UBE2L3: variants seen among roughly 807,000 people sequenced by gnomAD.
UBE2L3 encodes ubiquitin-conjugating enzyme E2 L3.
UBE2L3 carries 1 observed loss-of-function variant against 17.8 expected under a neutral mutation model. The ratio of observed to expected loss-of-function variants is 0.06; its 90% CI spans 0.02 to 0.27. The LOEUF (loss-of-function observed/expected upper bound fraction) is 0.27. Ranked by LOEUF, UBE2L3 falls within the 10% of genes least tolerant of loss-of-function variation. The pLI, the probability that UBE2L3 is intolerant of heterozygous loss-of-function variation, is 1.00. For synonymous variants in UBE2L3, 44 were observed against 68.5 expected (o/e 0.64, Z 1.76); for missense variants, 40 against 192.6 (o/e 0.21, Z 4.69).
intron 1 of UBE2L3, among the ~76,000 whole-genome samples, chr22:21,551,960 GA>G (rs556434496): frequency 0.011 from 1,245 of 112,588 alleles, 11 homozygotes; most frequent in African/African-American, 0.047. Context: ...AGCTGCAGAA[GA>G]AACATACATA....
At chr22:21,576,124 T>C (rs894656254) in intron 1 of UBE2L3, among the ~76,000 whole-genome samples, 6 of 149,872 alleles carry the variant, frequency 4.0e-5, no homozygotes, top group Admixed American at 1.3e-4. Flanking sequence ...TTTTTTTTTT[T>C]TTTTTTTTGA....
intron 2 of UBE2L3, among the ~76,000 whole-genome samples, chr22:21,594,513 CT>C (rs879434060): frequency 2.1e-3 from 303 of 142,690 alleles, no homozygotes; most frequent in Non-Finnish European, 1.8e-3. Context: ...TAAGGTCATG[CT>C]TTTTTTTTTT....
rs574396968 is a variant in UBE2L3 at position 21,591,449 on chromosome 22, G to A, written c.28-1412G>A. On this transcript the variant is annotated intron_variant, in intron 1 of 3. Transcript: ENST00000342192. The stretch of plus-strand genomic sequence containing the variant: ...ACTTGTGCCTGTTGCCTGCTATGAA[G>A]CACCAGTGTGTTCCACCTCTTCCGT... Among the ~76,000 whole-genome samples, 10 of 152,342 alleles carry A rather than the reference G, an allele frequency of 6.6e-5. No individual in the cohort carries two copies. In the South Asian group the frequency reaches 2.1e-3, roughly 32 times the overall value.
At chr22:21,568,388 A>G in intron 1 of UBE2L3, 4 of 984,580 alleles carry the variant, frequency 4.1e-6, no homozygotes, top group Non-Finnish European at 3.6e-6. Context: ...GTAAGTTCCA[A>G]CTCCAGGAAG....
intron 1 of UBE2L3, among the ~76,000 whole-genome samples, chr22:21,572,650 C>G (rs1463007304): frequency 6.6e-6 from 1 of 152,078 alleles, no homozygotes; most frequent in East Asian, 1.9e-4. Flanking sequence ...TTCTTTGCAG[C>G]TTCACACTGC....
At chr22:21,562,058 C>T (rs1458176440) in intron 1 of UBE2L3, among the ~76,000 whole-genome samples, 1 of 152,076 alleles carries the variant, frequency 6.6e-6, no homozygotes, top group Admixed American at 6.6e-5. Context: ...TGGTTCCTCC[C>T]CCAGCTTCTG....
At chr22:21,578,258 G>A (rs1927422478) in intron 1 of UBE2L3, among the ~76,000 whole-genome samples, 1 of 151,966 alleles carries the variant, frequency 6.6e-6, no homozygotes, top group South Asian at 2.1e-4. Context: ...TACTCGGGAG[G>A]CTGAGGCAGG....
intron 1 of UBE2L3, among the ~76,000 whole-genome samples, chr22:21,558,620 ACT>A (rs1926322080): frequency 7.3e-6 from 1 of 137,426 alleles, no homozygotes. Flanking sequence ...ACAAAGTGAG[ACT>A]CTGTCTCAAA....
chr22:21,557,750 T>C (rs1926288670), intron 1 of UBE2L3, among the ~76,000 whole-genome samples: 1 of 152,262 alleles, frequency 6.6e-6, no homozygotes, highest in Non-Finnish European at 1.5e-5. Context: ...CTCGATCTCC[T>C]GACCTCGTGA....
intron 3 of UBE2L3, among the ~76,000 whole-genome samples, chr22:21,617,709 G>A (rs994274781): frequency 3.3e-5 from 5 of 152,156 alleles, no homozygotes; most frequent in Non-Finnish European, 7.4e-5. Context: ...TATGAAAAAT[G>A]TTGATAGAGG....
chr22:21,577,266 C>A (rs1002564794), intron 1 of UBE2L3, among the ~76,000 whole-genome samples: 1 of 152,038 alleles, frequency 6.6e-6, no homozygotes, highest in Non-Finnish European at 1.5e-5. Flanking sequence ...CCGTGCCTGG[C>A]CTGATTTTTG....
At chr22:21,596,779 G>A (rs945780772) in intron 2 of UBE2L3, among the ~76,000 whole-genome samples, 17 of 152,086 alleles carry the variant, frequency 1.1e-4, no homozygotes, top group East Asian at 1.9e-4. Flanking sequence ...AAGCCATTGC[G>A]CCCATCCTGT....
intron 1 of UBE2L3, among the ~76,000 whole-genome samples, chr22:21,582,169 G>A (rs577738154): frequency 3.0e-4 from 45 of 151,440 alleles, no homozygotes; most frequent in Non-Finnish European, 5.6e-4. Flanking sequence ...TCAGAACAAC[G>A]TCTGGGTTTC....
chr22:21,595,498 G>C (rs534985541), intron 2 of UBE2L3, among the ~76,000 whole-genome samples: 10 of 152,318 alleles, frequency 6.6e-5, no homozygotes, highest in Admixed American at 2.0e-4. Context: ...CCCAGCCCTG[G>C]TCCTTAGTGG....
chr22:21,620,810 C>G (rs1177228503), intron 3 of UBE2L3, among the ~76,000 whole-genome samples: 1 of 152,096 alleles, frequency 6.6e-6, no homozygotes, highest in East Asian at 1.9e-4. Flanking sequence ...AAGTGCAGCG[C>G]CATCACATAC....
intron 1 of UBE2L3, among the ~76,000 whole-genome samples, chr22:21,575,583 T>C (rs1351142560): frequency 1.5e-5 from 2 of 135,716 alleles, no homozygotes; most frequent in Admixed American, 1.5e-4. Context: ...AGCGAGACTC[T>C]CGAAAGAAAA....
chr22:21,568,222 T>A lies in UBE2L3; in HGVS notation c.27+451T>A, dbSNP rs1348718389. On this transcript the variant is annotated intron_variant, in intron 1 of 3. Coordinates refer to ENST00000342192, the MANE Select transcript of UBE2L3 (RefSeq NM_003347.4). Reference sequence around the variant, plus strand: ...CAGCGCGCCGGGCTTGCAGCTCCGCTTGGCCCGGCCGCAGCTCGGGAGTCT... The same window carrying A: ...CAGCGCGCCGGGCTTGCAGCTCCGCATGGCCCGGCCGCAGCTCGGGAGTCT... 5.1e-6 allele frequency: 5 copies of A among 989,112 alleles called. No homozygotes were observed. In the African/African-American group the frequency reaches 8.7e-5, roughly 17 times the overall value. The allele number at this position is 989,112 out of a possible 1,614,324, so 61.3% of individuals were successfully genotyped here.
intron 1 of UBE2L3, among the ~76,000 whole-genome samples, chr22:21,556,394 A>T (rs1187106409): frequency 3.3e-5 from 5 of 151,996 alleles, no homozygotes; most frequent in Admixed American, 6.6e-5. Flanking sequence ...CTCCATCTCT[A>T]AAAAAAAAGT....
intron 1 of UBE2L3, among the ~76,000 whole-genome samples, chr22:21,568,815 G>GT (rs1568969349): frequency 1.3e-5 from 2 of 152,118 alleles, no homozygotes; most frequent in African/African-American, 4.8e-5. Flanking sequence ...GCAGTGCTTG[G>GT]TAGAGCTAGA....
Sources: allele counts gnomAD v4.1 joint callset (sites outside exome capture counted in the v4.1 genomes callset), GRCh38; gene constraint gnomAD v4.1.1; transcripts MANE v1.5; gene names NCBI Gene and HGNC (gene_info 2026-07-23, HGNC 2026-07-21).